RIMS1: variants seen among roughly 807,000 people sequenced by gnomAD.
RIMS1 encodes regulating synaptic membrane exocytosis protein 1.
Under a neutral mutation model 214.1 loss-of-function variants are expected in RIMS1, and 83 were observed. The ratio of observed to expected loss-of-function variants is 0.39; its 90% CI spans 0.32 to 0.47. The LOEUF is 0.47. RIMS1 is among the 20% of genes least tolerant of loss of function. RIMS1 has a pLI of 0.99. For synonymous variants in RIMS1, 793 were observed against 786.8 expected (o/e 1.01, Z -0.13); for missense variants, 2,050 against 2,161.8 (o/e 0.95, Z 1.03).
intron 2 of RIMS1, among the ~76,000 whole-genome samples, chr6:72,012,832 T>C (rs2151876780): frequency 6.6e-6 from 1 of 152,324 alleles, no homozygotes; most frequent in East Asian, 1.9e-4. Flanking sequence ...CTGTTATATT[T>C]CTGGTATTAT....
In RIMS1 at chr6:71,886,881, T is replaced by G. The variant is rs1767901985; in HGVS notation, c.-143T>G. 1.2e-6 allele frequency: 1 copy of G among 852,346 alleles called. No individual in the cohort carries two copies. Among genetic ancestry groups the G allele is most frequent in the Admixed American group, 2.5e-5 (1 of 40,688 alleles). 52.8% of individuals were successfully genotyped at this position (852,346 alleles called of 1,614,324 possible). The stretch of plus-strand genomic sequence containing the variant: ...CTCTCCCCGGCTCTGCTGCTGCTGC[T>G]GCTGCCGCCGCCGCCGCTGCTCCTC... On this transcript the variant is annotated 5_prime_UTR_variant, in exon 1 of 34. Transcript: ENST00000521978.
intron 2 of RIMS1, among the ~76,000 whole-genome samples, chr6:71,998,013 G>A (rs921606191): frequency 8.6e-5 from 13 of 151,988 alleles, no homozygotes; most frequent in African/African-American, 2.9e-4. Context: ...GTCCAGCATT[G>A]CCAGTAAAAA....
At chr6:72,366,876 T>C in intron 29 of RIMS1, 5 of 981,926 alleles carry the variant, frequency 5.1e-6, no homozygotes, top group Non-Finnish European at 6.1e-6. Context: ...GGTAAGTCTA[T>C]GTTCCTTATA....
intron 2 of RIMS1, among the ~76,000 whole-genome samples, chr6:72,010,315 C>T (rs1049729447): frequency 8.6e-5 from 13 of 152,016 alleles, no homozygotes; most frequent in African/African-American, 1.4e-4. Flanking sequence ...AATTAGGTAT[C>T]GATGGGACAT....
intron 16 of RIMS1, 24 bp from the exon 17 acceptor site, chr6:72,258,101 T>A: frequency 6.2e-7 from 1 of 1,605,908 alleles, no homozygotes. Context: ...CTGACTAAAT[T>A]TTTTCTGTGT....
chr6:72,052,331 T>C (rs1433289115), intron 2 of RIMS1, among the ~76,000 whole-genome samples: 2 of 152,186 alleles, frequency 1.3e-5, no homozygotes, highest in African/African-American at 4.8e-5. Flanking sequence ...GCTTAAGGGA[T>C]ACTGTAGTAT....
At chr6:71,914,793 C>T (rs977131885) in intron 1 of RIMS1, among the ~76,000 whole-genome samples, 1 of 152,016 alleles carries the variant, frequency 6.6e-6, no homozygotes. Context: ...GGATAAATGG[C>T]CTCTGATTAC....
chr6:72,402,910 C>T lies in RIMS1; in HGVS notation c.*2196C>T, dbSNP rs1483794020. ...GGAAGGGGAGGCTGGGGTTTGTTGT[C>T]TGCTGCGGGCATTTGACTTGACTTG... On this transcript the variant is annotated 3_prime_UTR_variant, in exon 34 of 34. Coordinates refer to ENST00000521978, the MANE Select transcript of RIMS1 (RefSeq NM_014989.7). The T allele has an allele frequency of 6.6e-6, 1 of 152,652 alleles. No homozygotes were observed. The highest frequency in any genetic ancestry group is 1.5e-5 in the Non-Finnish European group (1 of 68,082). 9.5% of individuals were successfully genotyped at this position (152,652 alleles called of 1,614,324 possible).
At chr6:72,111,102 GA>G (rs1194439057) in intron 4 of RIMS1, among the ~76,000 whole-genome samples, 2 of 152,062 alleles carry the variant, frequency 1.3e-5, no homozygotes, top group African/African-American at 4.8e-5. Context: ...CAAGATAAAA[GA>G]AAAAATTGTA....
At chr6:72,079,626 G>C (rs1832782017) in intron 2 of RIMS1, among the ~76,000 whole-genome samples, 2 of 152,286 alleles carry the variant, frequency 1.3e-5, no homozygotes, top group South Asian at 4.1e-4. Context: ...GCTCATGCCT[G>C]TAATCCCAGC....
At chr6:72,130,641 T>C (rs534343193) in intron 4 of RIMS1, among the ~76,000 whole-genome samples, 1 of 152,298 alleles carries the variant, frequency 6.6e-6, no homozygotes, top group South Asian at 2.1e-4. Flanking sequence ...GTTTTAGTTA[T>C]TATCTTTTCT....
In RIMS1 at chr6:72,381,026, G is replaced by A. The variant is rs556107123; in HGVS notation, c.4367-9572G>A. 2.6e-5 allele frequency among the ~76,000 whole-genome samples: 4 copies of A among 152,296 alleles called. No homozygotes were observed. The South Asian group carries it at 6.2e-4, about 24-fold the overall frequency. ...AATGTGTTTATTTACTAGGGCTGCT[G>A]TAACAAAATGCCATAGACTGGATGG... On this transcript the variant is annotated intron_variant, in intron 29 of 33. Coordinates refer to ENST00000521978, the MANE Select transcript of RIMS1 (RefSeq NM_014989.7).
At chr6:72,001,500 T>C (rs537552526) in intron 2 of RIMS1, among the ~76,000 whole-genome samples, 90 of 152,250 alleles carry the variant, frequency 5.9e-4, no homozygotes, top group Non-Finnish European at 1.2e-3. Flanking sequence ...CTCTTCTCCC[T>C]ACTCACCCCC....
At chr6:72,346,678 G>C (rs2097275950) in intron 29 of RIMS1, among the ~76,000 whole-genome samples, 1 of 151,618 alleles carries the variant, frequency 6.6e-6, no homozygotes, top group African/African-American at 2.4e-5. Flanking sequence ...TAGGGCCCAT[G>C]AGAGAATAAA....
intron 27 of RIMS1, among the ~76,000 whole-genome samples, chr6:72,309,377 G>A (rs2095397668): frequency 6.6e-6 from 1 of 152,120 alleles, no homozygotes; most frequent in East Asian, 1.9e-4. Context: ...GACAACTGGG[G>A]CTCAGAATGA....
chr6:72,197,286 A>G (rs1051266208), intron 6 of RIMS1, among the ~76,000 whole-genome samples: 1 of 152,146 alleles, frequency 6.6e-6, no homozygotes, highest in African/African-American at 2.4e-5. Context: ...AAATCCACTG[A>G]TTGGTTGCTC....
intron 31 of RIMS1, among the ~76,000 whole-genome samples, chr6:72,395,120 T>A (rs1188451402): frequency 2.0e-5 from 3 of 152,072 alleles, no homozygotes; most frequent in Non-Finnish European, 4.4e-5. Flanking sequence ...TATATAAATT[T>A]AAAAAAATCT....
intron 6 of RIMS1, among the ~76,000 whole-genome samples, chr6:72,232,626 A>G (rs1402929212): frequency 6.6e-6 from 1 of 151,782 alleles, no homozygotes; most frequent in African/African-American, 2.4e-5. Flanking sequence ...CATAGAATAT[A>G]CTACTGTAAT....
chr6:72,092,364 T>C (rs937742836), intron 2 of RIMS1, among the ~76,000 whole-genome samples: 41 of 143,062 alleles, frequency 2.9e-4, no homozygotes, highest in African/African-American at 1.1e-3. Flanking sequence ...AGGAAATAAG[T>C]TGGAGAAGTT....
Sources: gnomAD v4.1 joint callset for allele counts (sites outside exome capture counted in the v4.1 genomes callset) on GRCh38, gnomAD v4.1.1 for gene constraint, MANE v1.5 for transcripts, NCBI Gene and HGNC (gene_info 2026-07-23, HGNC 2026-07-21) for gene names.